The following ABLIM2 variants were observed in gnomAD, a reference collection of about 807,000 sequenced individuals.
The protein encoded by ABLIM2 is actin binding LIM protein family member 2, also known as actin-binding LIM protein 2.
ABLIM2 carries 53 observed loss-of-function variants against 97.7 expected under a neutral mutation model. The observed-to-expected ratio is 0.54, with a 90% CI of 0.44 to 0.68. The LOEUF (loss-of-function observed/expected upper bound fraction) is 0.68, where lower values mean the gene tolerates loss of function less well. Among genes scored for constraint, ABLIM2 ranks in the 30% least tolerant of loss-of-function variants. The pLI is 0.00. For missense variants in ABLIM2, 835 were observed against 867.2 expected, an observed-to-expected ratio of 0.96 and a Z score of 0.47; for synonymous variants, 361 against 345.8, an observed-to-expected ratio of 1.04 and a Z score of -0.49.
At chr4:8,014,705 C>A (rs750958636) in intron 14 of ABLIM2, among the ~76,000 whole-genome samples, 3 of 152,212 alleles carry the variant, frequency 2.0e-5, no homozygotes, top group African/African-American at 7.2e-5. Context: ...ATCCCTTGGA[C>A]AAATTAATGA....
chr4:8,009,404 T>C (rs1763420439), intron 14 of ABLIM2, among the ~76,000 whole-genome samples: 1 of 152,018 alleles, frequency 6.6e-6, no homozygotes, highest in Non-Finnish European at 1.5e-5. Context: ...TGTTTTGTTT[T>C]TTGTTTTTTT....
At chr4:8,053,899 T>C (rs566481701) in intron 8 of ABLIM2, among the ~76,000 whole-genome samples, 1 of 152,294 alleles carries the variant, frequency 6.6e-6, no homozygotes, top group Admixed American at 6.5e-5. Context: ...CTCCTGGATT[T>C]CCCCACCTCC....
At position 7,998,469 on chromosome 4, in the gene ABLIM2, G is replaced by C. The variant is rs1173231757; in HGVS notation, c.1619-5542C>G. On this transcript the variant is annotated intron_variant, in intron 16 of 20. Coordinates refer to ENST00000447017, the MANE Select transcript of ABLIM2 (RefSeq NM_001130083.2). The surrounding 1 kb of genome is among the most constrained non-coding windows in gnomAD (Gnocchi z 6.4). ...TGGAGCTGCCGGTCTGCCCACCTGG[G>C]TCCCTGCCGGTGCTGCCTGTGGGGA... Among the ~76,000 whole-genome samples, 1 of 151,396 alleles carries C rather than the reference G, an allele frequency of 6.6e-6. No homozygotes were observed. The highest frequency in any genetic ancestry group is 2.4e-5 in the African/African-American group (1 of 41,172).
intron 6 of ABLIM2, among the ~76,000 whole-genome samples, chr4:8,074,089 C>CAAAAA (rs869080154): frequency 2.6e-3 from 121 of 45,722 alleles, no homozygotes; most frequent in African/African-American, 3.0e-3. Flanking sequence ...CTCTGTCTCA[C>CAAAAA]AAAAAAAAAA....
rs1368750558 is a variant in ABLIM2 at position 7,992,765 on chromosome 4, G to C, written c.1680+101C>G. On this transcript the variant is annotated intron_variant, in intron 17 of 20. Transcript: ENST00000447017. This position sits in a 1 kb window ranked among gnomAD's most constrained non-coding sequence, Gnocchi z 5.7. ...GAGGCAGGTGGGCCGCGGGGTCCCC[G>C]GGGCCTCTCCTCCTGCTGTGTGGTC... 1 of 1,354,516 alleles carries C rather than the reference G, an allele frequency of 7.4e-7. No homozygotes were observed. The highest frequency in any genetic ancestry group is 1.0e-6 in the Non-Finnish European group (1 of 970,564). 83.9% of individuals were successfully genotyped at this position (1,354,516 alleles called of 1,614,324 possible).
intron 9 of ABLIM2, among the ~76,000 whole-genome samples, chr4:8,036,970 G>A (rs1326426202): frequency 6.6e-6 from 1 of 152,148 alleles, no homozygotes; most frequent in East Asian, 1.9e-4. Flanking sequence ...AGGTTGTTAA[G>A]TAAAATTATG....
rs1317976849 is a variant in ABLIM2 at position 8,148,796 on chromosome 4, G to A, written c.10+9884C>T. ...AGAGATGAGGAGGCCAAGGCTCAGG[G>A]GGTACATGGCCTGGGCTGGTTCCTG... On this transcript the variant is annotated intron_variant, in intron 1 of 20. Transcript: ENST00000447017. The surrounding 1 kb of genome is among the most constrained non-coding windows in gnomAD (Gnocchi z 6.7). 1.3e-5 allele frequency among the ~76,000 whole-genome samples: 2 copies of A among 152,162 alleles called. No homozygotes were observed. The highest frequency in any genetic ancestry group is 4.8e-5 in the African/African-American group (2 of 41,444).
At chr4:8,077,017 G>A (rs546075908) in intron 6 of ABLIM2, among the ~76,000 whole-genome samples, 4 of 137,112 alleles carry the variant, frequency 2.9e-5, no homozygotes, top group African/African-American at 8.3e-5. Context: ...GGGGTTGGGG[G>A]TCTGTGAATC....
intron 6 of ABLIM2, among the ~76,000 whole-genome samples, chr4:8,073,003 G>A (rs889696525): frequency 1.1e-4 from 16 of 152,244 alleles, no homozygotes; most frequent in African/African-American, 3.9e-4. Context: ...GAGGCAGTGG[G>A]GCCGGTGCGA....
intron 9 of ABLIM2, among the ~76,000 whole-genome samples, chr4:8,041,836 G>A (rs1414606789): frequency 2.0e-5 from 3 of 152,036 alleles, no homozygotes; most frequent in African/African-American, 7.2e-5. Flanking sequence ...CCTGGGAGGC[G>A]CAGCTTGCAG....
intron 1 of ABLIM2, among the ~76,000 whole-genome samples, chr4:8,135,303 G>A (rs1561614414): frequency 6.6e-6 from 1 of 152,364 alleles, no homozygotes; most frequent in South Asian, 2.1e-4. Context: ...GGGGCAGCCA[G>A]AAAGTGGACA....
intron 1 of ABLIM2, among the ~76,000 whole-genome samples, chr4:8,139,930 G>A (rs1357564261): frequency 6.6e-6 from 1 of 152,128 alleles, no homozygotes; most frequent in Non-Finnish European, 1.5e-5. Flanking sequence ...CATAAAAAAG[G>A]AAAGAGATCG....
intron 14 of ABLIM2, among the ~76,000 whole-genome samples, chr4:8,013,075 G>C (rs1032073336): frequency 2.0e-5 from 3 of 152,138 alleles, no homozygotes; most frequent in African/African-American, 7.2e-5. Flanking sequence ...GTGGATGAGA[G>C]GGTTTCTATA....
chr4:8,011,031 A>G (rs1764612771), intron 14 of ABLIM2, among the ~76,000 whole-genome samples: 1 of 152,250 alleles, frequency 6.6e-6, no homozygotes, highest in Non-Finnish European at 1.5e-5. Flanking sequence ...TGGAAAGTGG[A>G]TCACCACTCT....
In ABLIM2 at chr4:8,087,262, C is replaced by T. The variant is rs1824287805; in HGVS notation, c.454+907G>A. On this transcript the variant is annotated intron_variant, in intron 4 of 20. Coordinates refer to ENST00000447017, the MANE Select transcript of ABLIM2 (RefSeq NM_001130083.2). The surrounding 1 kb of genome is among the most constrained non-coding windows in gnomAD (Gnocchi z 4.6). ...GGTTTGCTGGGCTTCCCTCCCAGAG[C>T]CTGTGTGCCATCTCATGATCCGGCA... is the stretch of plus-strand genomic sequence containing the variant. Among the ~76,000 whole-genome samples the T allele has an allele frequency of 6.6e-6, 1 of 152,218 alleles. No individual in the cohort carries two copies. The highest frequency in any genetic ancestry group is 1.5e-5 in the Non-Finnish European group (1 of 68,042).
rs1168695366 is a variant in ABLIM2, at chr4:8,004,593, G to C, written c.1618+3466C>G. ...GTGGGACGTGAGAGACCTCAAAAGA[G>C]AGGATGGGGCCTCAAGGGGCTAGGA... On this transcript the variant is annotated intron_variant, in intron 16 of 20. Coordinates refer to ENST00000447017, the MANE Select transcript of ABLIM2 (RefSeq NM_001130083.2). This position sits in a 1 kb window ranked among gnomAD's most constrained non-coding sequence, Gnocchi z 5.9. Among the ~76,000 whole-genome samples, 2 of 152,168 alleles carry C rather than the reference G, an allele frequency of 1.3e-5. No individual in the cohort carries two copies. Among genetic ancestry groups the C allele is most frequent in the African/African-American group, 2.4e-5 (1 of 41,440 alleles).
intron 1 of ABLIM2, among the ~76,000 whole-genome samples, chr4:8,141,471 T>C (rs1241472670): frequency 6.6e-6 from 1 of 152,176 alleles, no homozygotes; most frequent in African/African-American, 2.4e-5. Flanking sequence ...GCCAAACACA[T>C]GCACCAACAT....
intron 9 of ABLIM2, 37 bp from the exon 10 acceptor site, chr4:8,036,332 C>T (rs1212271985): frequency 6.2e-7 from 1 of 1,606,570 alleles, no homozygotes; most frequent in Admixed American, 1.7e-5. Flanking sequence ...GGGACAGTCA[C>T]CAGATGCACC....
chr4:8,122,789 A>G lies in ABLIM2; in HGVS notation c.11-16152T>C, dbSNP rs746002289. 3.9e-5 allele frequency among the ~76,000 whole-genome samples: 6 copies of G among 152,026 alleles called. No homozygotes were observed. Among genetic ancestry groups the G allele is most frequent in the Non-Finnish European group, 5.9e-5 (4 of 68,010 alleles). On this transcript the variant is annotated intron_variant, in intron 1 of 20. Transcript: ENST00000447017. The surrounding 1 kb of genome is among the most constrained non-coding windows in gnomAD (Gnocchi z 4.1). Reference sequence around the variant, plus strand: ...CCTGTCCTCTCTTCACCATTTACGGATGGGCAAACAGAGGTTCCAAGCAGG... The same window carrying G: ...CCTGTCCTCTCTTCACCATTTACGGGTGGGCAAACAGAGGTTCCAAGCAGG...
Sources: allele counts gnomAD v4.1 joint callset (sites outside exome capture counted in the v4.1 genomes callset), GRCh38; gene constraint gnomAD v4.1.1; non-coding constraint Gnocchi (gnomAD v3.1); transcripts MANE v1.5; gene names NCBI Gene and HGNC (gene_info 2026-07-23, HGNC 2026-07-21).